Variants in PXDNL observed in about 807,000 individuals in gnomAD.
PXDNL encodes the protein probable oxidoreductase PXDNL.
A neutral mutation model predicts 150.8 loss-of-function variants in PXDNL; 145 were observed. The ratio of observed to expected loss-of-function variants is 0.96; its 90% CI spans 0.84 to 1.10. PXDNL has a LOEUF of 1.10. PXDNL is among the 50% of genes least tolerant of loss of function. The pLI is 0.00. For missense variants in PXDNL, 2,087 were observed against 1,873.9 expected, an observed-to-expected ratio of 1.11 and a Z score of -2.10; for synonymous variants, 757 against 725.7, an observed-to-expected ratio of 1.04 and a Z score of -0.69.
chr8:51,338,671 C>T (rs1231414925), intron 21 of PXDNL, among the ~76,000 whole-genome samples: 2 of 152,214 alleles, frequency 1.3e-5, no homozygotes, highest in Non-Finnish European at 2.9e-5. Flanking sequence ...GGCACCATGC[C>T]TTGAAAGAAA....
chr8:51,755,002 G>A (rs2037085395), intron 1 of PXDNL, among the ~76,000 whole-genome samples: 1 of 152,080 alleles, frequency 6.6e-6, no homozygotes, highest in South Asian at 2.1e-4. Context: ...GTGAGCCTAG[G>A]CACCCTGCAC....
At chr8:51,530,138 C>T (rs1811864150) in intron 4 of PXDNL, among the ~76,000 whole-genome samples, 3 of 152,112 alleles carry the variant, frequency 2.0e-5, no homozygotes, top group Admixed American at 2.0e-4. Flanking sequence ...GTGTGTGCAT[C>T]TGGAGTTCAT....
intron 19 of PXDNL, among the ~76,000 whole-genome samples, chr8:51,357,464 A>G (rs1806546502): frequency 6.6e-6 from 1 of 152,236 alleles, no homozygotes; most frequent in South Asian, 2.1e-4. Flanking sequence ...AATATCAAGA[A>G]GTGGTCCCTG....
intron 2 of PXDNL, among the ~76,000 whole-genome samples, chr8:51,629,067 A>G (rs189001106): frequency 6.6e-5 from 10 of 152,332 alleles, no homozygotes; most frequent in Admixed American, 5.9e-4. Context: ...TGGACTAACT[A>G]GACAAAGACT....
intron 12 of PXDNL, among the ~76,000 whole-genome samples, chr8:51,428,034 C>T (rs1356667445): frequency 6.6e-6 from 1 of 152,088 alleles, no homozygotes; most frequent in African/African-American, 2.4e-5. Context: ...GGATACAAGA[C>T]AAATGTATTA....
Position 51,387,199 on chromosome 8 carries a change from C to A in PXDNL, c.3558-12468G>T, listed in dbSNP as rs958975860. 2.6e-5 allele frequency among the ~76,000 whole-genome samples: 4 copies of A among 152,248 alleles called. No homozygotes were observed. The East Asian group carries it at 7.7e-4, about 29-fold the overall frequency. ...TCTTACAATTCTCCCTTTTAGACAA[C>A]ATTCTAAACTGATGAAAATTATGCA... On this transcript the variant is annotated intron_variant, in intron 17 of 22. Transcript: ENST00000356297.
rs573676976 is a variant in PXDNL at position 51,779,301 on chromosome 8, A to G, written c.164+29880T>C. Among the ~76,000 whole-genome samples the G allele has an allele frequency of 3.9e-5, 6 of 152,344 alleles. No individual in the cohort carries two copies. The South Asian group carries it at 1.0e-3, about 26-fold the overall frequency. On this transcript the variant is annotated intron_variant, in intron 1 of 22. Transcript: ENST00000356297. Reference sequence around the variant, plus strand: ...GGCTGTGTGCAAGGGAAGGCCACACATATCATGATCTGACGGCGAGGCGAA... The same window carrying G: ...GGCTGTGTGCAAGGGAAGGCCACACGTATCATGATCTGACGGCGAGGCGAA...
intron 1 of PXDNL, among the ~76,000 whole-genome samples, chr8:51,710,197 A>C (rs1265899612): frequency 6.6e-6 from 1 of 152,248 alleles, no homozygotes; most frequent in Non-Finnish European, 1.5e-5. Flanking sequence ...GGGCAGCCAG[A>C]CAAAATCTGT....
chr8:51,338,409 T>G (rs1805895103), intron 21 of PXDNL, among the ~76,000 whole-genome samples: 1 of 152,310 alleles, frequency 6.6e-6, no homozygotes, highest in Non-Finnish European at 1.5e-5. Context: ...AAGGGGCTTG[T>G]AGTTCACAAA....
intron 1 of PXDNL, among the ~76,000 whole-genome samples, chr8:51,658,710 T>C (rs545350706): frequency 6.6e-6 from 1 of 152,246 alleles, no homozygotes; most frequent in Non-Finnish European, 1.5e-5. Context: ...TGTGTAAGTA[T>C]GTACATTTAC....
intron 4 of PXDNL, among the ~76,000 whole-genome samples, chr8:51,539,080 G>A (rs930933423): frequency 2.0e-5 from 3 of 152,198 alleles, no homozygotes; most frequent in African/African-American, 7.2e-5. Context: ...TTTCACCACT[G>A]AGTATGAAAT....
chr8:51,331,124 C>T (rs1429433204), intron 21 of PXDNL, among the ~76,000 whole-genome samples: 3 of 152,112 alleles, frequency 2.0e-5, no homozygotes, highest in Non-Finnish European at 4.4e-5. Context: ...TCCTGCAGGA[C>T]CCAGGAGACA....
chr8:51,571,862 T>C (rs1047025359), intron 3 of PXDNL, among the ~76,000 whole-genome samples: 20 of 151,846 alleles, frequency 1.3e-4, no homozygotes, highest in Non-Finnish European at 2.7e-4. Context: ...AAAAGTAAGA[T>C]ATTAAAAATT....
intron 1 of PXDNL, among the ~76,000 whole-genome samples, chr8:51,766,746 A>T (rs936468195): frequency 2.0e-5 from 3 of 151,776 alleles, no homozygotes; most frequent in Non-Finnish European, 4.4e-5. Flanking sequence ...TTTTTTTTAA[A>T]AAAAAAAGAT....
At chr8:51,567,534 A>G (rs1023543546) in intron 3 of PXDNL, among the ~76,000 whole-genome samples, 1 of 151,646 alleles carries the variant, frequency 6.6e-6, no homozygotes, top group African/African-American at 2.4e-5. Flanking sequence ...ATCCCTCAAT[A>G]CTTTTTGTTT....
At chr8:51,669,215 A>C (rs1237680825) in intron 1 of PXDNL, among the ~76,000 whole-genome samples, 1 of 152,236 alleles carries the variant, frequency 6.6e-6, no homozygotes, top group Non-Finnish European at 1.5e-5. Context: ...CGGAAACTTA[A>C]TGTAGAAAGT....
chr8:51,516,263 G>A (rs1811536413), intron 4 of PXDNL, among the ~76,000 whole-genome samples: 1 of 152,138 alleles, frequency 6.6e-6, no homozygotes, highest in Non-Finnish European at 1.5e-5. Context: ...AATATGCATG[G>A]TGAAAAGCAG....
At chr8:51,353,415 T>C (rs1245871605) in intron 19 of PXDNL, among the ~76,000 whole-genome samples, 1 of 151,974 alleles carries the variant, frequency 6.6e-6, no homozygotes, top group Non-Finnish European at 1.5e-5. Flanking sequence ...AGTTTGTTTC[T>C]GTATTTACCT....
intron 1 of PXDNL, among the ~76,000 whole-genome samples, chr8:51,747,230 A>G (rs2036995582): frequency 6.6e-6 from 1 of 152,210 alleles, no homozygotes; most frequent in Admixed American, 6.5e-5. Flanking sequence ...TCCACTGGAC[A>G]TGGGTACCAC....
Sources: allele counts gnomAD v4.1 joint callset (sites outside exome capture counted in the v4.1 genomes callset), GRCh38; gene constraint gnomAD v4.1.1; transcripts MANE v1.5; gene names NCBI Gene and HGNC (gene_info 2026-07-23, HGNC 2026-07-21).